The following OCRL variants were observed in gnomAD, a reference collection of about 807,000 sequenced individuals.
OCRL encodes the protein OCRL inositol polyphosphate-5-phosphatase.
Under a neutral mutation model 78.9 loss-of-function variants are expected in OCRL, and 8 were observed. The observed-to-expected ratio is 0.10, with a 90% CI of 0.06 to 0.18. The LOEUF (loss-of-function observed/expected upper bound fraction) is 0.18, where lower values mean the gene tolerates loss of function less well. Ranked by LOEUF, OCRL falls within the 10% of genes least tolerant of loss-of-function variation. The pLI is 1.00. For missense variants in OCRL, 454 were observed against 696.7 expected (o/e 0.65, Z 3.92); for synonymous variants, 240 against 235.4 (o/e 1.02, Z -0.18).
At chrX:129,579,312 C>T in intron 18 of OCRL, among the ~76,000 whole-genome samples, 1 of 111,446 alleles carries the variant, frequency 9.0e-6, no homozygotes, top group Non-Finnish European at 1.9e-5. Context: ...TGAAATGATT[C>T]CTCAGGTATA....
At chrX:129,547,369 CA>C (rs1200588583) in intron 3 of OCRL, among the ~76,000 whole-genome samples, 1 of 108,640 alleles carries the variant, frequency 9.2e-6, no homozygotes, top group Admixed American at 9.8e-5. Flanking sequence ...ACTAAAAATA[CA>C]AAAAATTAGC....
intron 4 of OCRL, among the ~76,000 whole-genome samples, chrX:129,551,363 C>T (rs1986639820): frequency 8.9e-6 from 1 of 112,225 alleles, no homozygotes; most frequent in African/African-American, 3.2e-5. Flanking sequence ...GAAAGCAGTA[C>T]AGTCATGATA....
At chrX:129,579,764 A>G (rs746730054) in intron 18 of OCRL, among the ~76,000 whole-genome samples, 1 of 112,489 alleles carries the variant, frequency 8.9e-6, no homozygotes, top group Admixed American at 9.4e-5. Context: ...TTGATTCATT[A>G]CACACTGGAT....
Position 129,540,393 on chromosome X carries a change from G to C in OCRL, c.-47G>C, listed in dbSNP as rs979338463. 2 of 1,145,164 alleles carry C rather than the reference G, an allele frequency of 1.7e-6. No individual in the cohort carries two copies. Among genetic ancestry groups the C allele is most frequent in the South Asian group, 3.8e-5 (2 of 52,326 alleles). 94.4% of individuals were successfully genotyped at this position (1,145,164 alleles called of 1,213,427 possible). ...TGGGGACGCGGGAGCCAGTGTCGTC[G>C]GATCGGCCCGCAGTCCGCTGTCCTG... On this transcript the variant is annotated 5_prime_UTR_variant, in exon 1 of 24. Transcript: ENST00000371113.
At chrX:129,589,462 A>G (rs745449835) in intron 22 of OCRL, 2 of 281,610 alleles carry the variant, frequency 7.1e-6, no homozygotes, top group South Asian at 4.0e-5. Context: ...CATCCATGCT[A>G]AGTGACATTG....
At position 129,590,459 on chromosome X, in the gene OCRL, A is replaced by T; in HGVS notation, c.*189A>T. 1.9e-6 allele frequency: 1 copy of T among 530,365 alleles called. No individual in the cohort carries two copies. The highest frequency in any genetic ancestry group is 3.1e-5 in the South Asian group (1 of 32,560). 43.7% of individuals were successfully genotyped at this position (530,365 alleles called of 1,213,427 possible). ...TACACAGAAAAATACTTTTAGACTT[A>T]TATTGCCAAGCCAAAGTTACCATAT... On this transcript the variant is annotated 3_prime_UTR_variant, in exon 24 of 24. Coordinates refer to ENST00000371113, the MANE Select transcript of OCRL (RefSeq NM_000276.4).
At chrX:129,547,910 T>G (rs146311942) in intron 3 of OCRL, among the ~76,000 whole-genome samples, 90 of 111,634 alleles carry the variant, frequency 8.1e-4, no homozygotes, top group African/African-American at 2.6e-3. Context: ...GGGGAAGAGA[T>G]AGGTTGGGTC....
At chrX:129,544,517 T>C (rs1015285442) in intron 2 of OCRL, among the ~76,000 whole-genome samples, 5 of 111,628 alleles carry the variant, frequency 4.5e-5, no homozygotes, top group Non-Finnish European at 9.4e-5. Context: ...AATTGGAAGG[T>C]TAATTTATGA....
chrX:129,583,579 G>C (rs929948661), intron 18 of OCRL, among the ~76,000 whole-genome samples: 19 of 111,890 alleles, frequency 1.7e-4, no homozygotes, highest in African/African-American at 5.9e-4. Context: ...ACTTTGCACA[G>C]TTCCTGATAC....
chrX:129,569,246 T>A lies in OCRL; in HGVS notation c.1467-18T>A. 8.3e-7 allele frequency: 1 copy of A among 1,209,893 alleles called. No homozygotes were observed. The highest frequency in any genetic ancestry group is 1.1e-6 in the Non-Finnish European group (1 of 893,855). ...TTGTGTGATATGTTCTCTTTATAAC[T>A]CGTTTCTTTACTTACAGTGGGAAAT... On this transcript the variant is annotated intron_variant, in intron 14 of 23. Transcript: ENST00000371113.
chrX:129,574,450 CTCTAG>C (rs1248174497), intron 15 of OCRL, among the ~76,000 whole-genome samples: 2 of 112,461 alleles, frequency 1.8e-5, no homozygotes, highest in South Asian at 3.7e-4. Flanking sequence ...CATGGTTTTA[CTCTAG>C]TCTAGGACAT....
chrX:129,566,847 T>C (rs1936223467), intron 13 of OCRL, among the ~76,000 whole-genome samples: 1 of 112,646 alleles, frequency 8.9e-6, no homozygotes, highest in Admixed American at 9.4e-5. Flanking sequence ...TGAGGATCTT[T>C]CAAAACAATT....
intron 17 of OCRL, 119 bp downstream of exon 17, chrX:129,576,181 C>G: frequency 1.1e-6 from 1 of 918,808 alleles, no homozygotes; most frequent in Non-Finnish European, 1.6e-6. Flanking sequence ...GGTGATACCT[C>G]TGGTGTGTGT....
intron 15 of OCRL, among the ~76,000 whole-genome samples, chrX:129,570,773 C>T (rs1345354696): frequency 1.8e-5 from 2 of 112,479 alleles, no homozygotes; most frequent in Admixed American, 9.4e-5. Context: ...TACAGTTGAT[C>T]CTTCAACAAC....
At chrX:129,582,466 C>T (rs901026672) in intron 18 of OCRL, among the ~76,000 whole-genome samples, 7 of 111,940 alleles carry the variant, frequency 6.3e-5, no homozygotes, top group East Asian at 2.8e-4. Flanking sequence ...GAGCCTGGTT[C>T]GACAGGTTAG....
At position 129,540,796 on chromosome X, in the gene OCRL, C is replaced by T. The variant is rs762676076; in HGVS notation, c.92C>T (p.Thr31Ile). The T allele has an allele frequency of 1.3e-5, 16 of 1,207,628 alleles. No individual in the cohort carries two copies. The highest frequency in any genetic ancestry group is 1.6e-5 in the Non-Finnish European group (14 of 892,994). Reference sequence around the variant, plus strand: ...CCTCTCCGGGAGCCCTGCGCCCTGACCCTAGCCCAGAGGAACGGGCAATAT... The same window carrying T: ...CCTCTCCGGGAGCCCTGCGCCCTGATCCTAGCCCAGAGGAACGGGCAATAT... Reference protein sequence around the residue: ...KGPLREPCALTLAQRNGQYEL... With the variant: ...KGPLREPCALILAQRNGQYEL... Residue 31 changes from threonine (T) to isoleucine (I), a missense_variant, in exon 2 of 24, where the codon ACC becomes ATC. This residue lies in a region of OCRL where 177 missense variants were observed against 179.6 expected (regional missense o/e 0.99). Coordinates refer to ENST00000371113, the MANE Select transcript of OCRL (RefSeq NM_000276.4).
intron 2 of OCRL, 35 bp downstream of exon 2, chrX:129,540,858 G>A (rs758347471): frequency 9.0e-7 from 1 of 1,111,467 alleles, no homozygotes; most frequent in Non-Finnish European, 1.2e-6. Context: ...GAGGAGGGGA[G>A]CCTGCCATTA....
chrX:129,556,160 G>A, intron 4 of OCRL, among the ~76,000 whole-genome samples: 1 of 112,289 alleles, frequency 8.9e-6, no homozygotes, highest in East Asian at 2.8e-4. Flanking sequence ...GTTCAGAAGT[G>A]GATTTCCACC....
intron 14 of OCRL, among the ~76,000 whole-genome samples, chrX:129,568,059 G>T (rs954619349): frequency 9.1e-6 from 1 of 110,315 alleles, no homozygotes; most frequent in Non-Finnish European, 1.9e-5. Context: ...GACTACAGGC[G>T]CCCGCCACCA....
Sources: allele counts gnomAD v4.1 joint callset (sites outside exome capture counted in the v4.1 genomes callset), GRCh38; gene constraint gnomAD v4.1.1; regional missense constraint gnomAD v4.1.1; transcripts MANE v1.5; gene names NCBI Gene and HGNC (gene_info 2026-07-23, HGNC 2026-07-21).